The following PHACTR4 variants were observed in gnomAD, a reference collection of about 807,000 sequenced individuals.
The protein encoded by PHACTR4 is protein phosphatase 1, regulatory subunit 124.
Under a neutral mutation model 72.7 loss-of-function variants are expected in PHACTR4, and 51 were observed. The observed-to-expected ratio is 0.70, with a 90% CI of 0.56 to 0.89. PHACTR4 has a LOEUF of 0.89. PHACTR4 is among the 40% of genes least tolerant of loss of function. PHACTR4 has a pLI of 0.00. For missense variants in PHACTR4, 731 were observed against 861.8 expected, an observed-to-expected ratio of 0.85 and a Z score of 1.90; for synonymous variants, 255 against 302.5, an observed-to-expected ratio of 0.84 and a Z score of 1.63.
chr1:28,394,369 AAAAG>A (rs1653311063), intron 1 of PHACTR4, among the ~76,000 whole-genome samples: 3 of 151,826 alleles, frequency 2.0e-5, no homozygotes, highest in Admixed American at 2.0e-4. Context: ...AAGAAAGAAA[AAAAG>A]AAAAAAAAGA....
chr1:28,406,174 C>G (rs1654309223), intron 1 of PHACTR4, among the ~76,000 whole-genome samples: 1 of 152,006 alleles, frequency 6.6e-6, no homozygotes, highest in Non-Finnish European at 1.5e-5. Flanking sequence ...GGAGGTCACT[C>G]AGAATGAAAA....
chr1:28,414,427 C>CAA (rs765271793), intron 2 of PHACTR4, among the ~76,000 whole-genome samples: 13,726 of 60,274 alleles, frequency 0.23, 1,501 homozygotes, highest in Non-Finnish European at 0.28. Flanking sequence ...TCCTCTGTCT[C>CAA]AAAAAAAAAA....
chr1:28,443,813 C>T (rs2124419048), intron 2 of PHACTR4, among the ~76,000 whole-genome samples: 1 of 152,138 alleles, frequency 6.6e-6, no homozygotes, highest in Non-Finnish European at 1.5e-5. Flanking sequence ...TTTTCTTTAT[C>T]CATTCATCTG....
intron 1 of PHACTR4, among the ~76,000 whole-genome samples, chr1:28,376,919 G>C (rs775256460): frequency 2.0e-5 from 3 of 152,044 alleles, no homozygotes; most frequent in Non-Finnish European, 4.4e-5. Flanking sequence ...TTACAGGCGT[G>C]AGCCAGCGCG....
chr1:28,478,823 G>A (rs1570083062), intron 8 of PHACTR4, among the ~76,000 whole-genome samples: 1 of 151,596 alleles, frequency 6.6e-6, no homozygotes, highest in Non-Finnish European at 1.5e-5. Flanking sequence ...CAGTCTTGCT[G>A]TGTTGCTCAG....
intron 1 of PHACTR4, among the ~76,000 whole-genome samples, chr1:28,405,224 T>C (rs150394394): frequency 6.6e-6 from 1 of 152,320 alleles, no homozygotes; most frequent in African/African-American, 2.4e-5. Flanking sequence ...ATTCTAGATA[T>C]AGGTTCCTTA....
At chr1:28,413,437 C>T (rs569849357) in intron 2 of PHACTR4, among the ~76,000 whole-genome samples, 60 of 152,272 alleles carry the variant, frequency 3.9e-4, no homozygotes, top group African/African-American at 1.4e-3. Context: ...TTGCTTCTTT[C>T]CTGTGTTAGC....
chr1:28,437,066 T>C (rs749459872), intron 2 of PHACTR4, among the ~76,000 whole-genome samples: 15 of 152,220 alleles, frequency 9.9e-5, no homozygotes, highest in Non-Finnish European at 2.2e-4. Context: ...TCTAATGTTA[T>C]TAATTCCCAG....
rs1338821409 is a variant in PHACTR4, at chr1:28,498,294, CT to C, written c.*1747del. The C allele has an allele frequency of 1.3e-5, 2 of 152,438 alleles. No homozygotes were observed. The highest frequency in any genetic ancestry group is 2.9e-5 in the Non-Finnish European group (2 of 68,158). 9.4% of individuals were successfully genotyped at this position (152,438 alleles called of 1,614,324 possible). A position where few individuals can be genotyped will look rare whatever the true frequency, so the allele number is the denominator to read the frequency against. The stretch of plus-strand genomic sequence containing the variant: ...AATCATGGCCCACTGCTCCCCTCTT[CT>C]TCTCAGTGCTCTTTGCCCTCTCCTG... On this transcript the variant is annotated 3_prime_UTR_variant, in exon 14 of 14. Coordinates refer to ENST00000373839, the MANE Select transcript of PHACTR4 (RefSeq NM_001048183.3).
intron 2 of PHACTR4, among the ~76,000 whole-genome samples, chr1:28,442,092 A>G (rs1412070232): frequency 6.6e-6 from 1 of 152,232 alleles, no homozygotes; most frequent in Non-Finnish European, 1.5e-5. Context: ...GTGTCATATT[A>G]AAACAACTAG....
intron 2 of PHACTR4, among the ~76,000 whole-genome samples, chr1:28,442,129 G>C (rs548753996): frequency 2.6e-4 from 39 of 152,092 alleles, no homozygotes; most frequent in Non-Finnish European, 4.3e-4. Context: ...CTTAAATTAG[G>C]CACAAGACCG....
chr1:28,455,721 C>T (rs1209729234), intron 2 of PHACTR4, among the ~76,000 whole-genome samples: 1 of 152,044 alleles, frequency 6.6e-6, no homozygotes, highest in African/African-American at 2.4e-5. Context: ...GGGCTGATTC[C>T]AAGTATTTGG....
intron 6 of PHACTR4, among the ~76,000 whole-genome samples, chr1:28,470,308 G>A (rs2124494693): frequency 6.6e-6 from 1 of 151,882 alleles, no homozygotes; most frequent in East Asian, 1.9e-4. Context: ...TAAGAGGATT[G>A]GGTAAGCACA....
intron 2 of PHACTR4, among the ~76,000 whole-genome samples, chr1:28,451,785 A>G (rs981769587): frequency 7.9e-5 from 12 of 151,808 alleles, no homozygotes; most frequent in Admixed American, 3.9e-4. Flanking sequence ...CTAAGACTAT[A>G]GGCAAGCACC....
chr1:28,399,301 G>T (rs955610058), intron 1 of PHACTR4, among the ~76,000 whole-genome samples: 1 of 152,144 alleles, frequency 6.6e-6, no homozygotes, highest in Non-Finnish European at 1.5e-5. Context: ...GACAGAGCAA[G>T]ACTCTGTCTC....
chr1:28,387,169 G>A (rs911885569), intron 1 of PHACTR4, among the ~76,000 whole-genome samples: 1 of 150,702 alleles, frequency 6.6e-6, no homozygotes, highest in Non-Finnish European at 1.5e-5. Context: ...GCTGAGGTAG[G>A]AGAATCACTT....
intron 2 of PHACTR4, among the ~76,000 whole-genome samples, chr1:28,416,180 C>T (rs1655093260): frequency 6.6e-6 from 1 of 152,052 alleles, no homozygotes. Context: ...TAAATTCCTC[C>T]AGTATTACAT....
intron 2 of PHACTR4, among the ~76,000 whole-genome samples, chr1:28,428,323 C>T (rs1036373456): frequency 2.0e-5 from 3 of 152,324 alleles, no homozygotes; most frequent in East Asian, 1.9e-4. Flanking sequence ...CCTTAAGGAA[C>T]TCCTCAAATC....
At chr1:28,427,728 T>A (rs1308192232) in intron 2 of PHACTR4, among the ~76,000 whole-genome samples, 1 of 152,180 alleles carries the variant, frequency 6.6e-6, no homozygotes, top group Non-Finnish European at 1.5e-5. Flanking sequence ...TCTGTGGTAC[T>A]TGTCACCATC....
Sources: allele counts gnomAD v4.1 joint callset (sites outside exome capture counted in the v4.1 genomes callset), GRCh38; gene constraint gnomAD v4.1.1; transcripts MANE v1.5; gene names NCBI Gene and HGNC (gene_info 2026-07-23, HGNC 2026-07-21).